Variants in SRSF11 observed in about 807,000 individuals in gnomAD.
SRSF11 encodes serine and arginine rich splicing factor 11.
A neutral mutation model predicts 56.0 loss-of-function variants in SRSF11; 9 were observed. The ratio of observed to expected loss-of-function variants is 0.16; its 90% confidence interval spans 0.10 to 0.28. SRSF11 has a LOEUF of 0.28. Among genes scored for constraint, SRSF11 ranks in the 10% least tolerant of loss-of-function variants. The pLI, the probability that SRSF11 is intolerant of heterozygous loss-of-function variation, is 1.00. For synonymous variants in SRSF11, 222 were observed against 215.3 expected (o/e 1.03, Z -0.27); for missense variants, 421 against 600.7 (o/e 0.70, Z 3.13).
At chr1:70,229,645 G>A in intron 2 of SRSF11, 1 of 984,722 alleles carries the variant, frequency 1.0e-6, no homozygotes, top group Non-Finnish European at 1.2e-6. Flanking sequence ...TTAATAAACT[G>A]GTCAGTGGAA....
chr1:70,226,051 C>T (rs1041146648), intron 1 of SRSF11, among the ~76,000 whole-genome samples: 2 of 151,912 alleles, frequency 1.3e-5, no homozygotes, highest in Non-Finnish European at 2.9e-5. Flanking sequence ...ATTAGCCGGA[C>T]GTGGTGGCGT....
chr1:70,229,576 C>A, intron 2 of SRSF11: 1 of 984,808 alleles, frequency 1.0e-6, no homozygotes, highest in African/African-American at 1.7e-5. Context: ...GATAAAACTG[C>A]TGGATTTTAA....
At chr1:70,207,608 T>A (rs1164593198) in intron 1 of SRSF11, among the ~76,000 whole-genome samples, 1 of 152,180 alleles carries the variant, frequency 6.6e-6, no homozygotes, top group African/African-American at 2.4e-5. Flanking sequence ...CTTTTTCTCT[T>A]TATAGTAACA....
In SRSF11 at chr1:70,223,277, A is replaced by G. The variant is rs549757464; in HGVS notation, c.203+1438A>G. Among the ~76,000 whole-genome samples the G allele has an allele frequency of 3.0e-4, 45 of 152,284 alleles. 1 individual carries two copies. The highest frequency in any genetic ancestry group is 5.4e-4 in the Non-Finnish European group (37 of 68,014). ...AATTCTTTCCAATCCTACAAGTTAAAAATTTTGTTATGGTTGCTGACTTTT... is the reference window on the plus strand; with the variant it reads ...AATTCTTTCCAATCCTACAAGTTAAGAATTTTGTTATGGTTGCTGACTTTT... On this transcript the variant is annotated intron_variant, in intron 1 of 11. Coordinates refer to ENST00000370949, the MANE Select transcript of SRSF11 (RefSeq NM_001350605.2).
Position 70,250,165 on chromosome 1 carries a change from TCTC to T in SRSF11, c.1118+121_1118+123del. 4.8e-6 allele frequency: 6 copies of T among 1,261,296 alleles called. No homozygotes were observed. In the South Asian group the frequency reaches 7.1e-5, roughly 15 times the overall value. 78.1% of individuals were successfully genotyped at this position (1,261,296 alleles called of 1,614,324 possible). On this transcript the variant is annotated intron_variant, in intron 10 of 11. Coordinates refer to ENST00000370949, the MANE Select transcript of SRSF11 (RefSeq NM_001350605.2). The stretch of plus-strand genomic sequence containing the variant: ...AGTTCTTAAGAATGTTTTAATGTAT[TCTC>T]CTTCTGACTTGTGACTTAAACACCA...
At chr1:70,225,542 C>T (rs1381280759) in intron 1 of SRSF11, among the ~76,000 whole-genome samples, 1 of 152,090 alleles carries the variant, frequency 6.6e-6, no homozygotes, top group African/African-American at 2.4e-5. Flanking sequence ...ATATCAGTGG[C>T]CTAAACCTGA....
At chr1:70,242,924 A>G (rs768487900) in intron 7 of SRSF11, among the ~76,000 whole-genome samples, 13 of 152,294 alleles carry the variant, frequency 8.5e-5, no homozygotes, top group Non-Finnish European at 1.5e-4. Context: ...TGTGGAGCCT[A>G]TGGTAGGGTA....
intron 6 of SRSF11, among the ~76,000 whole-genome samples, chr1:70,238,816 T>G (rs1359422340): frequency 1.3e-5 from 2 of 152,232 alleles, no homozygotes; most frequent in African/African-American, 4.8e-5. Context: ...ACCCTCTTTA[T>G]AGACTGCTTT....
At chr1:70,231,120 T>C (rs1305016488) in intron 2 of SRSF11, 1 of 1,289,740 alleles carries the variant, frequency 7.8e-7, no homozygotes, top group Non-Finnish European at 1.0e-6. Context: ...CAGCCTGAAC[T>C]ATATACCAGG....
intron 4 of SRSF11, among the ~76,000 whole-genome samples, chr1:70,235,000 A>G (rs74088024): frequency 0.1 from 15,184 of 152,248 alleles, 887 homozygotes; most frequent in East Asian, 0.3. Context: ...TAGAAAATAG[A>G]TTCACAAGAA....
chr1:70,227,732 T>C (rs1364368442), intron 1 of SRSF11, among the ~76,000 whole-genome samples: 1 of 152,220 alleles, frequency 6.6e-6, no homozygotes, highest in Non-Finnish European at 1.5e-5. Flanking sequence ...CTTGTCTTTC[T>C]TTTACCTAAG....
upstream of SRSF11, among the ~76,000 whole-genome samples, chr1:70,219,646 C>G (rs1670332272): frequency 6.6e-6 from 1 of 152,166 alleles, no homozygotes; most frequent in Non-Finnish European, 1.5e-5. Context: ...GTCCTGGAAC[C>G]AATCCCCCAC....
At chr1:70,229,505 A>G (rs1672467199) in intron 2 of SRSF11, 19 of 985,064 alleles carry the variant, frequency 1.9e-5, no homozygotes, top group South Asian at 1.9e-4. Context: ...TTTGTTCCCA[A>G]TGTACTGCTA....
In SRSF11 at chr1:70,252,889, T is replaced by A. The variant is rs1489205123; in HGVS notation, c.*2084T>A. ...CAGTGAAGATTATCCATTCTTAGGA[T>A]ATTTATTTTCAGTGAACATTTTCTG... is the stretch of plus-strand genomic sequence containing the variant. On this transcript the variant is annotated 3_prime_UTR_variant, in exon 12 of 12. Transcript: ENST00000370949. 1 of 152,196 alleles carries A rather than the reference T, an allele frequency of 6.6e-6. No homozygotes were observed. Among genetic ancestry groups the A allele is most frequent in the Non-Finnish European group, 1.5e-5 (1 of 68,028 alleles). 9.4% of individuals were successfully genotyped at this position (152,196 alleles called of 1,614,324 possible). A position where few individuals can be genotyped will look rare whatever the true frequency, so the allele number is the denominator to read the frequency against.
intron 1 of SRSF11, among the ~76,000 whole-genome samples, chr1:70,211,689 T>C (rs972027382): frequency 6.6e-6 from 1 of 152,176 alleles, no homozygotes. Flanking sequence ...TTGGTTTTTT[T>C]CCATCCTTTG....
rs1340711575 is a variant in SRSF11, at chr1:70,221,671, G to T, written c.35G>T (p.Gly12Val). ...ACTACCGTCGTCCCCAGCACTGCAG[G>T]TCCGGGCCCCAGCGGCGGGCCCGGT... Reference protein sequence around the residue: ...SNTTVVPSTAGPGPSGGPGGG... With the variant: ...SNTTVVPSTAVPGPSGGPGGG... Residue 12 changes from glycine to valine, a missense_variant, in exon 1 of 12, where the codon GGT becomes GTT. Physicochemically the swap from Gly to Val is moderately radical, Grantham distance 109 (BLOSUM62 -3). Transcript: ENST00000370949. The T allele has an allele frequency of 6.2e-7, 1 of 1,612,826 alleles. No homozygotes were observed. Among genetic ancestry groups the T allele is most frequent in the Non-Finnish European group, 8.5e-7 (1 of 1,179,220 alleles).
In SRSF11 at chr1:70,233,298, G is replaced by A. The variant is rs115620842; in HGVS notation, c.447+921G>A. 8.5e-3 allele frequency among the ~76,000 whole-genome samples: 1,286 copies of A among 152,104 alleles called. 19 individuals are homozygous for A. The highest frequency in any genetic ancestry group is 0.029 in the African/African-American group (1,217 of 41,486). ...CTCGCCCTGTCACCCAGGCCGGAGT[G>A]CAATAGCACAGTCTCGGCTCACCGC... is the stretch of plus-strand genomic sequence containing the variant. On this transcript the variant is annotated intron_variant, in intron 3 of 11. Coordinates refer to ENST00000370949, the MANE Select transcript of SRSF11 (RefSeq NM_001350605.2).
At chr1:70,217,593 A>G (rs1670130652), upstream of SRSF11, among the ~76,000 whole-genome samples, 2 of 152,176 alleles carry the variant, frequency 1.3e-5, no homozygotes, top group African/African-American at 4.8e-5. Context: ...TAATATTTGA[A>G]GAAATTTGTG....
At chr1:70,222,766 G>A (rs987918313) in intron 1 of SRSF11, 14 of 152,084 alleles carry the variant, frequency 9.2e-5, no homozygotes, top group Admixed American at 6.6e-5. Context: ...TACTAAACAG[G>A]AAATTGGAAT....
Sources: allele counts gnomAD v4.1 joint callset (sites outside exome capture counted in the v4.1 genomes callset), GRCh38; gene constraint gnomAD v4.1.1; transcripts MANE v1.5; gene names NCBI Gene and HGNC (gene_info 2026-07-23, HGNC 2026-07-21).